Variants in GC observed in about 807,000 individuals in gnomAD.
The protein encoded by GC is vitamin D-binding protein.
In GC, 43 loss-of-function variants were observed where a neutral mutation model predicts 56.7. That is an observed-to-expected ratio of 0.76 (90% confidence interval 0.59 to 0.98). GC has a LOEUF of 0.98. Among genes scored for constraint, GC ranks in the 50% least tolerant of loss-of-function variants. The probability of loss-of-function intolerance (pLI) is 0.00; values close to 1 mark genes in which losing one functional copy is unlikely to be tolerated. For synonymous variants in GC, 216 were observed against 202.7 expected (o/e 1.07, Z -0.56); for missense variants, 529 against 545.9 (o/e 0.97, Z 0.31).
chr4:71,803,944 C>A (rs76781122), exon 1 of GC: 32,267 of 1,504,194 alleles, frequency 0.021, 455 homozygotes, highest in Middle Eastern at 0.068. Context: ...AAGACCACAG[C>A]ATTTCCTACC....
intron 1 of GC, among the ~76,000 whole-genome samples, chr4:71,777,067 C>T (rs1742530510): frequency 6.6e-6 from 1 of 151,540 alleles, no homozygotes; most frequent in Admixed American, 6.6e-5. Context: ...AGTAATTTAT[C>T]TTTTTAAAAT....
intron 1 of GC, among the ~76,000 whole-genome samples, chr4:71,792,565 T>G (rs1460975865): frequency 1.3e-5 from 2 of 152,192 alleles, no homozygotes; most frequent in African/African-American, 4.8e-5. Context: ...ATATTAGCCC[T>G]TTGTCAGATG....
At chr4:71,800,061 CA>C (rs1443029001) in intron 1 of GC, among the ~76,000 whole-genome samples, 4 of 91,738 alleles carry the variant, frequency 4.4e-5, no homozygotes, top group Non-Finnish European at 7.5e-5. Flanking sequence ...GCTGACACTT[CA>C]CTTCCTTTTT....
Position 71,758,064 on chromosome 4 carries a change from G to A in GC, c.809C>T (p.Ser270Phe), listed in dbSNP as rs1741843327. 6.2e-7 allele frequency: 1 copy of A among 1,613,416 alleles called. No individual in the cohort carries two copies. Among genetic ancestry groups the A allele is most frequent in the South Asian group, 1.1e-5 (1 of 91,026 alleles). Residue 270 changes from serine to phenylalanine, a missense_variant, in exon 7 of 13, where the codon TCT (serine) becomes TTT (phenylalanine). Transcript: ENST00000273951. Reference protein sequence around the residue: ...NILSKCCESASEDCMAKELPE... With the variant: ...NILSKCCESAFEDCMAKELPE... ...TACCTCTTTGGCCATGCAATCTTCA[G>A]AGGCAGACTCACAGCATTTGGAGAG...
chr4:71,761,086 A>G (rs1014725888), intron 6 of GC, among the ~76,000 whole-genome samples: 5 of 152,178 alleles, frequency 3.3e-5, no homozygotes. Flanking sequence ...GAGGGCTCAG[A>G]AGAAGACAGG....
chr4:71,778,693 A>G (rs1742581364), intron 1 of GC, among the ~76,000 whole-genome samples: 1 of 151,840 alleles, frequency 6.6e-6, no homozygotes, highest in African/African-American at 2.4e-5. Context: ...CATGAGGGCC[A>G]AAGAAAACAT....
intron 7 of GC, 145 bp downstream of exon 7, chr4:71,757,897 T>A (rs1389144515): frequency 1.6e-6 from 1 of 633,246 alleles, no homozygotes; most frequent in African/African-American, 1.8e-5. Context: ...ACAGTGATGT[T>A]AATAATTATT....
At chr4:71,784,682 T>C (rs1742790165), upstream of GC, among the ~76,000 whole-genome samples, 1 of 151,778 alleles carries the variant, frequency 6.6e-6, no homozygotes. Context: ...CACTGACATA[T>C]ATATGAAAAA....
chr4:71,753,908 C>T (rs964003989), intron 10 of GC, among the ~76,000 whole-genome samples: 2 of 152,106 alleles, frequency 1.3e-5, no homozygotes, highest in Non-Finnish European at 2.9e-5. Context: ...GCTATGTGCT[C>T]ATTTTGCCAT....
At chr4:71,804,235 ACAG>A (rs1743312225), upstream of GC, among the ~76,000 whole-genome samples, 1 of 152,200 alleles carries the variant, frequency 6.6e-6, no homozygotes, top group Admixed American at 6.5e-5. Flanking sequence ...GCCGTCCTGA[ACAG>A]CTGGACCAGC....
intron 12 of GC, among the ~76,000 whole-genome samples, chr4:71,742,969 G>A (rs746262386): frequency 1.4e-4 from 21 of 152,076 alleles, no homozygotes; most frequent in South Asian, 2.1e-4. Context: ...GTGAGATTCC[G>A]TCTTGGTGTG....
At chr4:71,745,039 G>T (rs141374571) in intron 12 of GC, among the ~76,000 whole-genome samples, 4 of 152,290 alleles carry the variant, frequency 2.6e-5, no homozygotes, top group Middle Eastern at 3.4e-3. Flanking sequence ...AGTAGTAGTA[G>T]GAGCATCAGT....
intron 9 of GC, among the ~76,000 whole-genome samples, 189 bp downstream of exon 9, chr4:71,754,789 A>G (rs1308934231): frequency 2.6e-5 from 4 of 152,214 alleles, no homozygotes; most frequent in Non-Finnish European, 5.9e-5. Flanking sequence ...AATTTTGAAT[A>G]ATTTTCATGG....
At chr4:71,742,745 T>G (rs938150394) in intron 12 of GC, among the ~76,000 whole-genome samples, 1 of 151,906 alleles carries the variant, frequency 6.6e-6, no homozygotes, top group Non-Finnish European at 1.5e-5. Flanking sequence ...GAGGCCGAGG[T>G]GGGTGGATCA....
chr4:71,787,350 G>A (rs1742864922), upstream of GC, among the ~76,000 whole-genome samples: 1 of 151,870 alleles, frequency 6.6e-6, no homozygotes, highest in Non-Finnish European at 1.5e-5. Context: ...TGAACACATT[G>A]TGCTATTGAG....
chr4:71,775,448 C>T (rs1742475684), intron 1 of GC, among the ~76,000 whole-genome samples: 1 of 151,916 alleles, frequency 6.6e-6, no homozygotes, highest in Non-Finnish European at 1.5e-5. Context: ...GATTCTGCCT[C>T]CCTGGCTAGC....
At chr4:71,797,037 T>G (rs906790839) in intron 1 of GC, among the ~76,000 whole-genome samples, 3 of 152,192 alleles carry the variant, frequency 2.0e-5, no homozygotes, top group African/African-American at 7.2e-5. Flanking sequence ...CAAATATTGC[T>G]GCCTGATCCT....
chr4:71,784,314 T>A (rs1321873359), upstream of GC: 1 of 1,083,482 alleles, frequency 9.2e-7, no homozygotes, highest in African/African-American at 1.7e-5. Context: ...AGAGCCAAGG[T>A]ATATAGATTA....
At chr4:71,788,006 C>T (rs1419905403), upstream of GC, among the ~76,000 whole-genome samples, 3 of 151,816 alleles carry the variant, frequency 2.0e-5, no homozygotes, top group Non-Finnish European at 2.9e-5. Flanking sequence ...CTTTGCTCTC[C>T]CACAGTGCTC....
Sources: gnomAD v4.1 joint callset for allele counts (sites outside exome capture counted in the v4.1 genomes callset) on GRCh38, gnomAD v4.1.1 for gene constraint, MANE v1.5 for transcripts, NCBI Gene and HGNC (gene_info 2026-07-23, HGNC 2026-07-21) for gene names.